The following DIAPH2 variants were observed in gnomAD, a reference collection of about 807,000 sequenced individuals.
DIAPH2 encodes the protein diaphanous related formin 2, also known as protein diaphanous homolog 2.
DIAPH2 carries 35 observed loss-of-function variants against 92.7 expected under a neutral mutation model. The observed-to-expected ratio is 0.38, with a 90% confidence interval of 0.29 to 0.50. The LOEUF (loss-of-function observed/expected upper bound fraction) is 0.50. DIAPH2 is among the 20% of genes least tolerant of loss of function. DIAPH2 has a pLI of 0.94. For missense variants in DIAPH2, 701 were observed against 819.5 expected (o/e 0.86, Z 1.77); for synonymous variants, 301 against 280.4 (o/e 1.07, Z -0.73).
At chrX:96,955,594 T>C (rs1014946810) in intron 15 of DIAPH2, among the ~76,000 whole-genome samples, 1 of 111,614 alleles carries the variant, frequency 9.0e-6, no homozygotes, top group Non-Finnish European at 1.9e-5. Context: ...AATCAAAAGC[T>C]AGTCACTTCC....
intron 22 of DIAPH2, among the ~76,000 whole-genome samples, chrX:97,185,309 A>AC: frequency 2.2e-5 from 1 of 44,852 alleles, no homozygotes; most frequent in Non-Finnish European, 3.5e-5. Flanking sequence ...AAAAAAAAAT[A>AC]TATATATATA....
intron 5 of DIAPH2, chrX:96,884,410 A>AT (rs1569419869): frequency 8.3e-7 from 1 of 1,207,998 alleles, no homozygotes; most frequent in Non-Finnish European, 1.1e-6. Context: ...AACTCCTGCT[A>AT]TTAAGACCCA....
chrX:96,719,360 G>A (rs1025989303), intron 1 of DIAPH2, among the ~76,000 whole-genome samples: 93 of 111,843 alleles, frequency 8.3e-4, no homozygotes, highest in African/African-American at 3.0e-3. Flanking sequence ...ATCTTTGCCC[G>A]GTCCAATGTC....
chrX:97,237,892 ATTT>A (rs2068062002), intron 22 of DIAPH2, among the ~76,000 whole-genome samples: 1 of 112,448 alleles, frequency 8.9e-6, no homozygotes, highest in Admixed American at 9.4e-5. Flanking sequence ...GCAAAAAAAG[ATTT>A]TTCTTGACGA....
At chrX:97,391,889 C>T (rs1406937215) in intron 25 of DIAPH2, among the ~76,000 whole-genome samples, 6 of 110,926 alleles carry the variant, frequency 5.4e-5, no homozygotes, top group African/African-American at 2.0e-4. Flanking sequence ...TCATGAAAAC[C>T]AAGCAGCCAG....
At chrX:96,967,696 C>T (rs1044972802) in intron 17 of DIAPH2, among the ~76,000 whole-genome samples, 5 of 110,940 alleles carry the variant, frequency 4.5e-5, no homozygotes, top group Non-Finnish European at 9.4e-5. Context: ...GGATTACAGG[C>T]GTGACCCACC....
At chrX:96,701,551 A>G (rs971235944) in intron 1 of DIAPH2, 1 of 110,364 alleles carries the variant, frequency 9.1e-6, no homozygotes, top group South Asian at 3.9e-4. Flanking sequence ...GAAAGAGTAG[A>G]ACAAGGAGTT....
At position 96,750,571 on chromosome X, in the gene DIAPH2, T is replaced by G. The variant is rs778503777; in HGVS notation, c.343-7583T>G. 3.6e-5 allele frequency among the ~76,000 whole-genome samples: 4 copies of G among 111,848 alleles called. No homozygotes were observed. The South Asian group carries it at 1.1e-3, about 32-fold the overall frequency. ...TGACTCAGGAATCCTTCCCTCATAG[T>G]TTTTCCACAAAACCTCTTTTTATTA... On this transcript the variant is annotated intron_variant, in intron 3 of 26. Coordinates refer to ENST00000324765, the MANE Select transcript of DIAPH2 (RefSeq NM_006729.5).
At chrX:97,055,671 A>G (rs982795747) in intron 17 of DIAPH2, among the ~76,000 whole-genome samples, 4 of 111,375 alleles carry the variant, frequency 3.6e-5, no homozygotes, top group African/African-American at 1.3e-4. Flanking sequence ...AATATAAAGT[A>G]AAAAGGCTAG....
At chrX:97,486,445 C>T (rs2070689261) in intron 26 of DIAPH2, among the ~76,000 whole-genome samples, 1 of 111,716 alleles carries the variant, frequency 9.0e-6, no homozygotes, top group African/African-American at 3.2e-5. Flanking sequence ...AAAGATAAAC[C>T]TAACCTAGGG....
intron 22 of DIAPH2, among the ~76,000 whole-genome samples, chrX:97,154,408 T>C (rs182831554): frequency 1.2e-4 from 13 of 112,017 alleles, no homozygotes; most frequent in Non-Finnish European, 2.1e-4. Flanking sequence ...TAATATAAAC[T>C]GATAAAGCAG....
At chrX:97,081,375 C>A (rs955932397) in intron 19 of DIAPH2, among the ~76,000 whole-genome samples, 2 of 111,119 alleles carry the variant, frequency 1.8e-5, no homozygotes, top group African/African-American at 6.5e-5. Context: ...TATTTTTATT[C>A]TCTCTATGTC....
chrX:97,015,779 C>T (rs1219995978), intron 17 of DIAPH2, among the ~76,000 whole-genome samples: 7 of 91,937 alleles, frequency 7.6e-5, no homozygotes, highest in African/African-American at 1.7e-4. Flanking sequence ...CAGAGCGAGA[C>T]GCCATCTGAA....
At position 97,281,898 on chromosome X, in the gene DIAPH2, T is replaced by C. The variant is rs772554767; in HGVS notation, c.2844+34059T>C. Among the ~76,000 whole-genome samples, 4 of 111,714 alleles carry C rather than the reference T, an allele frequency of 3.6e-5. No individual in the cohort carries two copies. The East Asian group carries it at 1.1e-3, about 32-fold the overall frequency. On this transcript the variant is annotated intron_variant, in intron 23 of 26. Coordinates refer to ENST00000324765, the MANE Select transcript of DIAPH2 (RefSeq NM_006729.5). ...TGAAAAAATGTAGATATTACGTTAATAATAAATAGCGTGAATAATATTGGC... is the reference window on the plus strand; with the variant it reads ...TGAAAAAATGTAGATATTACGTTAACAATAAATAGCGTGAATAATATTGGC...
intron 19 of DIAPH2, among the ~76,000 whole-genome samples, chrX:97,097,335 T>C (rs986468808): frequency 2.7e-5 from 3 of 111,565 alleles, no homozygotes; most frequent in Non-Finnish European, 5.7e-5. Context: ...TGAGAGTGAG[T>C]TTTATTCTAA....
intron 7 of DIAPH2, among the ~76,000 whole-genome samples, chrX:96,914,979 A>C (rs2147781888): frequency 9.0e-6 from 1 of 110,932 alleles, no homozygotes; most frequent in Non-Finnish European, 1.9e-5. Flanking sequence ...TACACATCAA[A>C]TTTTTTGGCC....
intron 5 of DIAPH2, among the ~76,000 whole-genome samples, chrX:96,882,042 C>A (rs772925831): frequency 1.1e-5 from 1 of 87,058 alleles, no homozygotes; most frequent in African/African-American, 3.6e-5. Flanking sequence ...ATATTTGCTC[C>A]ATGATTTTAT....
intron 17 of DIAPH2, among the ~76,000 whole-genome samples, chrX:97,044,710 T>TG (rs2066469628): frequency 9.0e-6 from 1 of 111,110 alleles, no homozygotes; most frequent in East Asian, 2.9e-4. Context: ...CATGCTCTAG[T>TG]GTCTCTTCTC....
At chrX:96,955,290 G>T (rs927465876) in intron 15 of DIAPH2, among the ~76,000 whole-genome samples, 3 of 111,619 alleles carry the variant, frequency 2.7e-5, no homozygotes, top group Non-Finnish European at 5.6e-5. Flanking sequence ...GATCTTCGGA[G>T]AACTCAGAAT....
Sources: allele counts gnomAD v4.1 joint callset (sites outside exome capture counted in the v4.1 genomes callset), GRCh38; gene constraint gnomAD v4.1.1; transcripts MANE v1.5; gene names NCBI Gene and HGNC (gene_info 2026-07-23, HGNC 2026-07-21).